PRKAR2B: variants seen among roughly 807,000 people sequenced by gnomAD.
The protein encoded by PRKAR2B is protein kinase cAMP-dependent type II regulatory subunit beta, also known as cAMP-dependent protein kinase type II-beta regulatory subunit.
In PRKAR2B, 14 loss-of-function variants were observed where a neutral mutation model predicts 49.9. The observed-to-expected ratio is 0.28, with a 90% confidence interval of 0.19 to 0.44. The LOEUF is 0.44. Among genes scored for constraint, PRKAR2B ranks in the 20% least tolerant of loss-of-function variants. The probability of loss-of-function intolerance (pLI) is 1.00; values close to 1 mark genes in which losing one functional copy is unlikely to be tolerated. For missense variants in PRKAR2B, 393 were observed against 537.9 expected, an observed-to-expected ratio of 0.73 and a Z score of 2.67; for synonymous variants, 196 against 197.7, an observed-to-expected ratio of 0.99 and a Z score of 0.07.
intron 2 of PRKAR2B, among the ~76,000 whole-genome samples, chr7:107,110,688 G>A (rs1795155269): frequency 6.6e-6 from 1 of 151,946 alleles, no homozygotes; most frequent in Non-Finnish European, 1.5e-5. Context: ...CTACTGCCTT[G>A]AAGGGAAGGA....
At chr7:107,107,102 C>T (rs1453313076) in intron 2 of PRKAR2B, among the ~76,000 whole-genome samples, 3 of 152,218 alleles carry the variant, frequency 2.0e-5, no homozygotes, top group Admixed American at 6.5e-5. Flanking sequence ...TTTGGGAGGC[C>T]GAGGTGGGTG....
At chr7:107,080,272 G>A (rs1339800971) in intron 2 of PRKAR2B, among the ~76,000 whole-genome samples, 4 of 152,100 alleles carry the variant, frequency 2.6e-5, no homozygotes, top group Non-Finnish European at 5.9e-5. Flanking sequence ...GCAGGAAGTG[G>A]TACCGTCTAA....
chr7:107,144,232 A>C (rs1228271762), intron 5 of PRKAR2B, among the ~76,000 whole-genome samples: 1 of 151,586 alleles, frequency 6.6e-6, no homozygotes, highest in Admixed American at 6.6e-5. Flanking sequence ...ATTACAGGTG[A>C]CTGCCACCAC....
At chr7:107,104,853 A>G (rs1443208504) in intron 2 of PRKAR2B, among the ~76,000 whole-genome samples, 1 of 152,156 alleles carries the variant, frequency 6.6e-6, no homozygotes, top group African/African-American at 2.4e-5. Context: ...TCAGGGGTCA[A>G]TATTGTGTAA....
intron 2 of PRKAR2B, among the ~76,000 whole-genome samples, chr7:107,078,596 A>G (rs1213276139): frequency 1.3e-5 from 2 of 152,228 alleles, no homozygotes; most frequent in African/African-American, 4.8e-5. Context: ...GAATAATCCA[A>G]GTGAACAGAG....
At chr7:107,047,020 G>C (rs1447863294) in intron 1 of PRKAR2B, among the ~76,000 whole-genome samples, 1 of 152,040 alleles carries the variant, frequency 6.6e-6, no homozygotes, top group African/African-American at 2.4e-5. Context: ...GAACAGCAGG[G>C]GTCATTTTAT....
At chr7:107,145,207 C>G (rs1795868722) in intron 5 of PRKAR2B, among the ~76,000 whole-genome samples, 1 of 152,184 alleles carries the variant, frequency 6.6e-6, no homozygotes, top group Non-Finnish European at 1.5e-5. Context: ...TCTGTTGTAA[C>G]TACTCAACTC....
At chr7:107,059,263 T>A (rs1793979493) in intron 1 of PRKAR2B, among the ~76,000 whole-genome samples, 1 of 149,654 alleles carries the variant, frequency 6.7e-6, no homozygotes, top group African/African-American at 2.5e-5. Context: ...AGTAAGACTC[T>A]GTCTCAAAAA....
At chr7:107,102,157 A>T (rs1399805676) in intron 2 of PRKAR2B, among the ~76,000 whole-genome samples, 1 of 152,158 alleles carries the variant, frequency 6.6e-6, no homozygotes, top group Non-Finnish European at 1.5e-5. Flanking sequence ...CAGTGAGCTG[A>T]GATTGCACCA....
At chr7:107,087,623 G>C (rs911528475) in intron 2 of PRKAR2B, among the ~76,000 whole-genome samples, 1 of 152,122 alleles carries the variant, frequency 6.6e-6, no homozygotes, top group African/African-American at 2.4e-5. Context: ...TGACTGATGG[G>C]CAGAGACTGG....
At chr7:107,098,571 TC>T (rs1366764983) in intron 2 of PRKAR2B, among the ~76,000 whole-genome samples, 1 of 152,216 alleles carries the variant, frequency 6.6e-6, no homozygotes, top group Non-Finnish European at 1.5e-5. Flanking sequence ...GGAGCTGTGT[TC>T]TTTTGGAGGA....
At position 107,044,916 on chromosome 7, in the gene PRKAR2B, C is replaced by T; in HGVS notation, c.9C>T (p.Ile3=). Residue 3 remains isoleucine, a synonymous_variant, in exon 1 of 11, where the codon ATC becomes ATT. Coordinates refer to ENST00000265717, the MANE Select transcript of PRKAR2B (RefSeq NM_002736.3). Reference sequence around the variant, plus strand: ...GCCGCCCCGGAGGCAGGATGAGCATCGAGATCCCGGCGGGACTGACGGAGC... The same window carrying T: ...GCCGCCCCGGAGGCAGGATGAGCATTGAGATCCCGGCGGGACTGACGGAGC... MS[I]EIPAGLTELL... is the part of the protein sequence containing the mutation. 4 of 1,597,146 alleles carry T rather than the reference C, an allele frequency of 2.5e-6. No individual in the cohort carries two copies. The highest frequency in any genetic ancestry group is 3.4e-6 in the Non-Finnish European group (4 of 1,174,482).
chr7:107,131,608 G>C (rs1795605087), intron 4 of PRKAR2B, among the ~76,000 whole-genome samples: 1 of 152,282 alleles, frequency 6.6e-6, no homozygotes, highest in Non-Finnish European at 1.5e-5. Context: ...ATACATAGTA[G>C]TTTTCAGAAG....
chr7:107,080,478 C>G (rs372233271), intron 2 of PRKAR2B, among the ~76,000 whole-genome samples: 4 of 152,068 alleles, frequency 2.6e-5, no homozygotes, highest in African/African-American at 7.2e-5. Context: ...CTACACTAGG[C>G]ACAGCAGTGA....
chr7:107,152,092 T>G (rs1280085134), intron 7 of PRKAR2B, among the ~76,000 whole-genome samples: 2 of 152,192 alleles, frequency 1.3e-5, no homozygotes, highest in Admixed American at 6.5e-5. Context: ...AACATATCCT[T>G]CCAGTGTCTC....
chr7:107,159,374 G>A (rs1323084206), intron 10 of PRKAR2B, 75 bp from the exon 11 acceptor site: 14 of 1,401,832 alleles, frequency 1.0e-5, no homozygotes, highest in East Asian at 4.6e-5. Flanking sequence ...ATATGGAGTC[G>A]GTATTGTAAA....
chr7:107,137,756 G>A (rs2115629318), intron 4 of PRKAR2B, among the ~76,000 whole-genome samples: 1 of 152,314 alleles, frequency 6.6e-6, no homozygotes. Context: ...CGAGTGAAAA[G>A]TGGCATCTCA....
At chr7:107,111,400 T>C (rs1382841265) in intron 2 of PRKAR2B, among the ~76,000 whole-genome samples, 1 of 152,140 alleles carries the variant, frequency 6.6e-6, no homozygotes, top group Non-Finnish European at 1.5e-5. Context: ...CCCAGGGCCT[T>C]GAGTGAACAT....
At chr7:107,103,861 A>G (rs1584430544) in intron 2 of PRKAR2B, among the ~76,000 whole-genome samples, 2 of 152,274 alleles carry the variant, frequency 1.3e-5, no homozygotes, top group East Asian at 3.9e-4. Flanking sequence ...CCACATAAAG[A>G]TTGCTGGATC....
Sources: gnomAD v4.1 joint callset for allele counts (sites outside exome capture counted in the v4.1 genomes callset) on GRCh38, gnomAD v4.1.1 for gene constraint, MANE v1.5 for transcripts, NCBI Gene and HGNC (gene_info 2026-07-23, HGNC 2026-07-21) for gene names.